The following RALYL variants were observed in gnomAD, a reference collection of about 807,000 sequenced individuals.
RALYL encodes the protein RNA-binding Raly-like protein.
RALYL carries 29 observed loss-of-function variants against 35.1 expected under a neutral mutation model. That is an observed-to-expected ratio of 0.83 (90% CI 0.61 to 1.13). The LOEUF (loss-of-function observed/expected upper bound fraction) is 1.13. Ranked by LOEUF, RALYL falls within the 50% of genes most tolerant of loss-of-function variation. The pLI is 0.00. For synonymous variants in RALYL, 120 were observed against 127.6 expected, an observed-to-expected ratio of 0.94 and a Z score of 0.40; for missense variants, 359 against 360.4, an observed-to-expected ratio of 1.00 and a Z score of 0.03.
intron 2 of RALYL, among the ~76,000 whole-genome samples, chr8:84,547,384 T>A (rs78190746): frequency 3.3e-5 from 5 of 151,274 alleles, no homozygotes; most frequent in Admixed American, 6.6e-5. Flanking sequence ...CTTATTTTTT[T>A]AATTTTTTTT....
At chr8:84,322,972 C>T (rs72679304) in intron 1 of RALYL, among the ~76,000 whole-genome samples, 1 of 152,044 alleles carries the variant, frequency 6.6e-6, no homozygotes, top group Non-Finnish European at 1.5e-5. Flanking sequence ...ATATATTATT[C>T]TTGGGTAATG....
At chr8:84,290,898 T>TA (rs1838650876) in intron 1 of RALYL, among the ~76,000 whole-genome samples, 1 of 152,202 alleles carries the variant, frequency 6.6e-6, no homozygotes. Flanking sequence ...TTGATATGTA[T>TA]AATACTTTTG....
At chr8:84,464,655 C>G (rs1255894057) in intron 1 of RALYL, among the ~76,000 whole-genome samples, 1 of 151,582 alleles carries the variant, frequency 6.6e-6, no homozygotes, top group African/African-American at 2.4e-5. Context: ...GGTATATACC[C>G]AGTAATGGGA....
At chr8:84,707,666 G>A (rs1435745348) in intron 2 of RALYL, among the ~76,000 whole-genome samples, 3 of 152,120 alleles carry the variant, frequency 2.0e-5, no homozygotes, top group South Asian at 2.1e-4. Context: ...AAATTTAATT[G>A]TATCAACTAT....
At chr8:84,903,703 C>T (rs959033994) in intron 8 of RALYL, among the ~76,000 whole-genome samples, 10 of 152,036 alleles carry the variant, frequency 6.6e-5, no homozygotes, top group African/African-American at 1.4e-4. Flanking sequence ...GGGCCAAACC[C>T]GTATTATAGT....
intron 1 of RALYL, among the ~76,000 whole-genome samples, chr8:84,278,981 G>T (rs967509734): frequency 6.6e-6 from 1 of 152,118 alleles, no homozygotes; most frequent in Non-Finnish European, 1.5e-5. Context: ...TACTGTATTA[G>T]TCTGTCCTCA....
chr8:84,511,305 C>G (rs2057595792), intron 1 of RALYL, among the ~76,000 whole-genome samples: 1 of 152,176 alleles, frequency 6.6e-6, no homozygotes, highest in Non-Finnish European at 1.5e-5. Flanking sequence ...GAAATATCTT[C>G]AGTTTGCATT....
At chr8:84,895,362 A>G (rs1844570918) in intron 8 of RALYL, among the ~76,000 whole-genome samples, 1 of 152,048 alleles carries the variant, frequency 6.6e-6, no homozygotes, top group Non-Finnish European at 1.5e-5. Flanking sequence ...AAGACTTAGA[A>G]AGTCAGAAAG....
intron 2 of RALYL, among the ~76,000 whole-genome samples, chr8:84,576,698 T>A (rs1809517731): frequency 6.6e-6 from 1 of 152,176 alleles, no homozygotes; most frequent in Admixed American, 6.5e-5. Flanking sequence ...TAAGTAAATA[T>A]CCAGATCTAG....
intron 2 of RALYL, among the ~76,000 whole-genome samples, chr8:84,736,650 G>A (rs948658828): frequency 3.3e-5 from 5 of 152,010 alleles, no homozygotes; most frequent in Non-Finnish European, 7.4e-5. Context: ...CATTTGAAAT[G>A]CTTAGAGGTC....
intron 2 of RALYL, among the ~76,000 whole-genome samples, chr8:84,626,357 T>G (rs1037801531): frequency 6.6e-6 from 1 of 152,212 alleles, no homozygotes; most frequent in Non-Finnish European, 1.5e-5. Flanking sequence ...AAATTCTGAA[T>G]GTCTAAAGAC....
chr8:84,661,519 G>T (rs1588844670), intron 2 of RALYL, among the ~76,000 whole-genome samples: 1 of 148,840 alleles, frequency 6.7e-6, no homozygotes, highest in South Asian at 2.1e-4. Flanking sequence ...TTTAATCAAT[G>T]TTTACTTTCT....
At chr8:84,698,928 C>T (rs1839673066) in intron 2 of RALYL, among the ~76,000 whole-genome samples, 1 of 152,102 alleles carries the variant, frequency 6.6e-6, no homozygotes, top group Non-Finnish European at 1.5e-5. Context: ...AGGACGCATC[C>T]TGCAAACACC....
intron 2 of RALYL, among the ~76,000 whole-genome samples, chr8:84,622,913 T>C (rs547375307): frequency 6.6e-6 from 1 of 152,338 alleles, no homozygotes; most frequent in African/African-American, 2.4e-5. Flanking sequence ...TTAGAGGATG[T>C]GAAGTTTGGT....
At chr8:84,783,745 G>A (rs551999550) in intron 3 of RALYL, among the ~76,000 whole-genome samples, 1 of 152,198 alleles carries the variant, frequency 6.6e-6, no homozygotes, top group South Asian at 2.1e-4. Flanking sequence ...AAAAGAAGAT[G>A]AAGTAATTGC....
intron 2 of RALYL, among the ~76,000 whole-genome samples, chr8:84,544,287 G>A (rs1414650071): frequency 2.0e-5 from 3 of 151,658 alleles, no homozygotes; most frequent in Admixed American, 1.3e-4. Flanking sequence ...AAGAAATTTA[G>A]CTTTTTTTCC....
intron 1 of RALYL, among the ~76,000 whole-genome samples, chr8:84,301,115 G>T (rs75748884): frequency 0.022 from 3,399 of 152,068 alleles, 122 homozygotes; most frequent in African/African-American, 0.077. Flanking sequence ...TTCTGAAAAG[G>T]CTTTTATTTC....
chr8:84,563,290 A>G (rs2061577426), intron 2 of RALYL, among the ~76,000 whole-genome samples: 1 of 151,876 alleles, frequency 6.6e-6, no homozygotes. Flanking sequence ...TAAGCTCATG[A>G]GGAAACACAA....
intron 1 of RALYL, among the ~76,000 whole-genome samples, chr8:84,319,238 A>T (rs1163325404): frequency 6.6e-6 from 1 of 152,120 alleles, no homozygotes; most frequent in Non-Finnish European, 1.5e-5. Context: ...AAACAACAGA[A>T]TTATTGTACT....
Sources: gnomAD v4.1 joint callset for allele counts (sites outside exome capture counted in the v4.1 genomes callset) on GRCh38, gnomAD v4.1.1 for gene constraint, MANE v1.5 for transcripts, NCBI Gene and HGNC (gene_info 2026-07-23, HGNC 2026-07-21) for gene names.